Variants in HSDL2 observed in about 807,000 individuals in gnomAD.
HSDL2 encodes hydroxysteroid dehydrogenase like 2, also known as hydroxysteroid dehydrogenase-like protein 2.
In HSDL2, 27 loss-of-function variants were observed where a neutral mutation model predicts 46.3. That is an observed-to-expected ratio of 0.58 (90% confidence interval 0.43 to 0.80). The LOEUF (loss-of-function observed/expected upper bound fraction) is 0.80. Among genes scored for constraint, HSDL2 ranks in the 30% least tolerant of loss-of-function variants. The pLI, the probability that HSDL2 is intolerant of heterozygous loss-of-function variation, is 0.00. For synonymous variants in HSDL2, 153 were observed against 163.6 expected, an observed-to-expected ratio of 0.94 and a Z score of 0.50; for missense variants, 451 against 502.7, an observed-to-expected ratio of 0.90 and a Z score of 0.98.
intron 4 of HSDL2, among the ~76,000 whole-genome samples, chr9:112,416,588 T>TAA (rs35674008): frequency 8.9e-4 from 119 of 134,234 alleles, no homozygotes; most frequent in African/African-American, 1.9e-3. Flanking sequence ...ACCCTGTCTC[T>TAA]AAAAAAAAAA....
chr9:112,422,851 C>T (rs1189182690), intron 6 of HSDL2, among the ~76,000 whole-genome samples: 1 of 152,168 alleles, frequency 6.6e-6, no homozygotes, highest in Non-Finnish European at 1.5e-5. Context: ...AGCCTTCAGG[C>T]AGAATATATG....
Position 112,459,439 on chromosome 9 carries a change from A to G in HSDL2, c.1016-10A>G, listed in dbSNP as rs781433960. 4 of 1,613,386 alleles carry G rather than the reference A, an allele frequency of 2.5e-6. No homozygotes were observed. Among genetic ancestry groups the G allele is most frequent in the Middle Eastern group, 1.7e-4 (1 of 6,060 alleles). On this transcript the variant is annotated splice_polypyrimidine_tract_variant and intron_variant, in intron 9 of 10. Transcript: ENST00000398805. The stretch of plus-strand genomic sequence containing the variant: ...CTATGACATTGATTTCTATATGTTT[A>G]TCTCTCTAGGTGAAGATGGTGGCAC...
At chr9:112,390,979 C>T (rs979364418) in intron 1 of HSDL2, among the ~76,000 whole-genome samples, 1 of 151,876 alleles carries the variant, frequency 6.6e-6, no homozygotes, top group African/African-American at 2.4e-5. Context: ...AGTTCAAGAC[C>T]AGCCTGGCCA....
intron 1 of HSDL2, among the ~76,000 whole-genome samples, chr9:112,398,449 C>T (rs1831509988): frequency 6.6e-6 from 1 of 151,808 alleles, no homozygotes; most frequent in South Asian, 2.1e-4. Flanking sequence ...GCTACAAGTA[C>T]CGGCTCCTCA....
At chr9:112,403,145 GC>G (rs1335352715) in intron 1 of HSDL2, among the ~76,000 whole-genome samples, 1 of 152,116 alleles carries the variant, frequency 6.6e-6, no homozygotes, top group African/African-American at 2.4e-5. Flanking sequence ...CAATTCATTG[GC>G]TTTTAATATA....
At chr9:112,389,026 C>CTTTTTTTTT (rs111670667) in intron 1 of HSDL2, among the ~76,000 whole-genome samples, 1 of 146,038 alleles carries the variant, frequency 6.8e-6, no homozygotes. Context: ...ATTCAGATCA[C>CTTTTTTTTT]TTTTTTTTTT....
chr9:112,393,933 C>A (rs1214173569), intron 1 of HSDL2, among the ~76,000 whole-genome samples: 1 of 152,142 alleles, frequency 6.6e-6, no homozygotes, highest in Non-Finnish European at 1.5e-5. Context: ...GTAATCAAAG[C>A]AGAATGTTTG....
chr9:112,416,147 C>CA (rs996935253), intron 4 of HSDL2, among the ~76,000 whole-genome samples: 42 of 150,544 alleles, frequency 2.8e-4, no homozygotes, highest in African/African-American at 8.5e-4. Flanking sequence ...TGATGGCTCA[C>CA]ACTTGTAATC....
chr9:112,422,582 A>G (rs757430565), intron 6 of HSDL2, among the ~76,000 whole-genome samples: 2 of 152,208 alleles, frequency 1.3e-5, no homozygotes, highest in Non-Finnish European at 2.9e-5. Context: ...AAACACCCTG[A>G]AGTAAATGGA....
intron 4 of HSDL2, among the ~76,000 whole-genome samples, chr9:112,413,145 C>G (rs1831915339): frequency 6.6e-6 from 1 of 151,588 alleles, no homozygotes; most frequent in South Asian, 2.1e-4. Flanking sequence ...TTTTGGCCTT[C>G]TATGAAAAGT....
intron 6 of HSDL2, among the ~76,000 whole-genome samples, chr9:112,425,259 T>C (rs1832219717): frequency 6.6e-6 from 1 of 152,226 alleles, no homozygotes; most frequent in Admixed American, 6.5e-5. Flanking sequence ...TTTTGTGTAA[T>C]GTTCCTATCT....
intron 1 of HSDL2, among the ~76,000 whole-genome samples, chr9:112,395,371 T>G (rs1831433088): frequency 6.6e-6 from 1 of 152,222 alleles, no homozygotes; most frequent in African/African-American, 2.4e-5. Context: ...GACAGGGGAT[T>G]GATGATCTCC....
chr9:112,405,703 A>C lies in HSDL2; in HGVS notation c.261A>C (p.Lys87Asn), dbSNP rs751539587. Residue 87 changes from lysine (K) to asparagine (N), a missense_variant, in exon 3 of 11, where the codon AAA (lysine) becomes AAC (asparagine). Physicochemically the swap from Lys to Asn is moderately conservative, Grantham distance 94 (BLOSUM62 0). Coordinates refer to ENST00000398805, the MANE Select transcript of HSDL2 (RefSeq NM_032303.5). ...DEQQISAAVEKAIKKFGGIDI... is the reference protein window; with the variant it reads ...DEQQISAAVENAIKKFGGIDI... ...AGCAGATCAGTGCTGCAGTGGAGAA[A>C]GCCATCAAGAAATTTGGAGGTAATA... 6.2e-7 allele frequency: 1 copy of C among 1,609,970 alleles called. No individual in the cohort carries two copies. The highest frequency in any genetic ancestry group is 8.5e-7 in the Non-Finnish European group (1 of 1,177,640).
At chr9:112,403,916 A>G in intron 1 of HSDL2, 79 bp from the exon 2 acceptor site, 1 of 1,420,462 alleles carries the variant, frequency 7.0e-7, no homozygotes, top group Non-Finnish European at 9.7e-7. Flanking sequence ...TATATTATGA[A>G]AATATGCATG....
chr9:112,470,335 A>T (rs1477880835), intron 10 of HSDL2, 97 bp from the exon 11 acceptor site: 1 of 671,892 alleles, frequency 1.5e-6, no homozygotes, highest in East Asian at 2.8e-5. Flanking sequence ...AGGTTTATAG[A>T]ACTCAAGGAG....
chr9:112,409,084 T>C (rs1831801792), intron 4 of HSDL2, 63 bp downstream of exon 4: 1 of 916,050 alleles, frequency 1.1e-6, no homozygotes, highest in Non-Finnish European at 1.8e-6. Context: ...ACTTACATAG[T>C]TGTAAACAGA....
chr9:112,421,447 G>A (rs1304013144), intron 6 of HSDL2, among the ~76,000 whole-genome samples: 1 of 152,130 alleles, frequency 6.6e-6, no homozygotes, highest in Non-Finnish European at 1.5e-5. Flanking sequence ...CAATACTGGT[G>A]TTTCTGCTCC....
chr9:112,441,392 T>C, intron 7 of HSDL2, among the ~76,000 whole-genome samples: 1 of 152,042 alleles, frequency 6.6e-6, no homozygotes, highest in East Asian at 1.9e-4. Flanking sequence ...TTCGGAAGAA[T>C]GTGGGCCAGA....
intron 8 of HSDL2, among the ~76,000 whole-genome samples, chr9:112,450,257 C>CG (rs1564129239): frequency 1.5e-3 from 19 of 12,300 alleles, no homozygotes; most frequent in Non-Finnish European, 2.2e-3. Context: ...TAGCGAGACC[C>CG]CCCCCCCATC....
Sources: gnomAD v4.1 joint callset for allele counts (sites outside exome capture counted in the v4.1 genomes callset) on GRCh38, gnomAD v4.1.1 for gene constraint, MANE v1.5 for transcripts, NCBI Gene and HGNC (gene_info 2026-07-23, HGNC 2026-07-21) for gene names.